FMN2: variants seen among roughly 807,000 people sequenced by gnomAD.
FMN2 encodes formin-2.
Under a neutral mutation model 142.3 loss-of-function variants are expected in FMN2, and 51 were observed. That is an observed-to-expected ratio of 0.36 (90% CI 0.29 to 0.45). The LOEUF (loss-of-function observed/expected upper bound fraction) is 0.45, where lower values mean the gene tolerates loss of function less well. FMN2 is among the 20% of genes least tolerant of loss of function. The pLI is 1.00. For synonymous variants in FMN2, 882 were observed against 869.8 expected, an observed-to-expected ratio of 1.01 and a Z score of -0.25; for missense variants, 1,936 against 2,122.8, an observed-to-expected ratio of 0.91 and a Z score of 1.73.
intron 2 of FMN2, among the ~76,000 whole-genome samples, chr1:240,151,566 G>T (rs1571990418): frequency 1.3e-5 from 2 of 152,060 alleles, no homozygotes; most frequent in South Asian, 4.1e-4. Context: ...TGAGAGACAG[G>T]AGTCTTAGAA....
chr1:240,222,900 G>A (rs1161660304), intron 6 of FMN2, among the ~76,000 whole-genome samples: 5 of 152,174 alleles, frequency 3.3e-5, no homozygotes, highest in South Asian at 2.1e-4. Flanking sequence ...GGGCTGAGAC[G>A]ATGGGATTTT....
intron 1 of FMN2, among the ~76,000 whole-genome samples, chr1:240,121,876 C>T (rs754644344): frequency 7.6e-4 from 114 of 149,136 alleles, no homozygotes; most frequent in South Asian, 3.2e-3. Context: ...CTGGCCAGCT[C>T]TCTTCTTGTG....
chr1:240,260,640 A>C (rs1309986505), intron 7 of FMN2, among the ~76,000 whole-genome samples: 1 of 152,084 alleles, frequency 6.6e-6, no homozygotes, highest in African/African-American at 2.4e-5. Context: ...TTCCTTGTAG[A>C]TTCTGGATAT....
At chr1:240,178,535 T>A (rs1007758375) in intron 3 of FMN2, among the ~76,000 whole-genome samples, 3 of 150,342 alleles carry the variant, frequency 2.0e-5, no homozygotes. Flanking sequence ...TCAACTTCCC[T>A]GGCTCAAGCG....
intron 6 of FMN2, among the ~76,000 whole-genome samples, chr1:240,255,898 C>T (rs974864732): frequency 3.9e-5 from 6 of 151,928 alleles, no homozygotes; most frequent in Middle Eastern, 3.4e-3. Flanking sequence ...TATAATGCGA[C>T]GAAAATAAGA....
chr1:240,118,627 A>G (rs1008696951), intron 1 of FMN2, among the ~76,000 whole-genome samples: 6 of 152,170 alleles, frequency 3.9e-5, no homozygotes, highest in Admixed American at 1.3e-4. Context: ...TGGAGGTTGT[A>G]CGGTTCCTGA....
At chr1:240,221,033 C>CA (rs1667093361) in intron 6 of FMN2, among the ~76,000 whole-genome samples, 1 of 152,140 alleles carries the variant, frequency 6.6e-6, no homozygotes, top group East Asian at 1.9e-4. Context: ...CATGTCTCTG[C>CA]AAAGGACACG....
intron 8 of FMN2, among the ~76,000 whole-genome samples, chr1:240,309,772 G>C (rs1443843175): frequency 6.6e-6 from 1 of 152,082 alleles, no homozygotes; most frequent in South Asian, 2.1e-4. Context: ...AGTCCAGTCC[G>C]TTATCTCGGA....
At chr1:240,220,419 C>A (rs1667059515) in intron 6 of FMN2, among the ~76,000 whole-genome samples, 1 of 152,132 alleles carries the variant, frequency 6.6e-6, no homozygotes, top group African/African-American at 2.4e-5. Flanking sequence ...TTTCTAATTT[C>A]TTCAGTCTCC....
At chr1:240,380,654 C>T (rs1330966099) in intron 14 of FMN2, among the ~76,000 whole-genome samples, 1 of 147,554 alleles carries the variant, frequency 6.8e-6, no homozygotes, top group African/African-American at 2.5e-5. Flanking sequence ...CTCAAATTAA[C>T]AATGTAACAT....
chr1:240,412,585 A>T (rs1241194223), intron 15 of FMN2, among the ~76,000 whole-genome samples: 1 of 152,210 alleles, frequency 6.6e-6, no homozygotes, highest in African/African-American at 2.4e-5. Flanking sequence ...GATGTAGCTA[A>T]CTAGCAGCAG....
At chr1:240,244,370 T>A (rs1668011362) in intron 6 of FMN2, among the ~76,000 whole-genome samples, 1 of 152,226 alleles carries the variant, frequency 6.6e-6, no homozygotes, top group South Asian at 2.1e-4. Context: ...AAACTTCAAG[T>A]TATCTCTATT....
chr1:240,204,387 C>T (rs1488099626), intron 4 of FMN2, among the ~76,000 whole-genome samples: 1 of 152,114 alleles, frequency 6.6e-6, no homozygotes, highest in African/African-American at 2.4e-5. Flanking sequence ...GTGGCTTAAG[C>T]CCAGGAGTTC....
intron 3 of FMN2, among the ~76,000 whole-genome samples, chr1:240,187,121 T>A (rs1172452292): frequency 7.6e-5 from 10 of 130,776 alleles, no homozygotes; most frequent in South Asian, 2.6e-4. Context: ...AAAAAAAAAA[T>A]TAGCTGGGTG....
chr1:240,333,772 T>G, intron 11 of FMN2, 115 bp from the exon 12 acceptor site: 1 of 778,718 alleles, frequency 1.3e-6, no homozygotes, highest in Non-Finnish European at 1.9e-6. Flanking sequence ...AATTTCACAT[T>G]TCATTCCAAA....
At position 240,092,742 on chromosome 1, in the gene FMN2, G is replaced by GCAGCTC. The variant is rs767102734; in HGVS notation, c.650_655dup (p.Leu217_Gln218dup). 64 of 1,612,758 alleles carry GCAGCTC rather than the reference G, an allele frequency of 4.0e-5. No individual in the cohort carries two copies. The highest frequency in any genetic ancestry group is 8.3e-5 in the Admixed American group (5 of 59,946). On this transcript the variant is annotated inframe_insertion, in exon 1 of 18. Coordinates refer to ENST00000319653, the MANE Select transcript of FMN2 (RefSeq NM_020066.5). Reference sequence around the variant, plus strand: ...TCCGCCTGCAGCAGCAGCAGCAGCAGCAGCTCCAGCTCCAGCTCCAGCAAC... The same window carrying GCAGCTC: ...TCCGCCTGCAGCAGCAGCAGCAGCAGCAGCTCCAGCTCCAGCTCCAGCTCCAGCAAC...
At chr1:240,109,875 A>G (rs1197348237) in intron 1 of FMN2, among the ~76,000 whole-genome samples, 1 of 152,070 alleles carries the variant, frequency 6.6e-6, no homozygotes, top group Non-Finnish European at 1.5e-5. Context: ...TATTATTATT[A>G]TTAGTTAAGG....
chr1:240,380,914 T>C (rs1012442886), intron 14 of FMN2, among the ~76,000 whole-genome samples: 1 of 151,980 alleles, frequency 6.6e-6, no homozygotes, highest in Non-Finnish European at 1.5e-5. Flanking sequence ...TACAAACTGA[T>C]ACCAAAGAAA....
Position 240,207,621 on chromosome 1 carries a change from C to T in FMN2, c.2809C>T (p.Leu937=), listed in dbSNP as rs1338973973. 4 of 1,173,982 alleles carry T rather than the reference C, an allele frequency of 3.4e-6. No homozygotes were observed. The highest frequency in any genetic ancestry group is 4.5e-6 in the Non-Finnish European group (4 of 898,198). The allele number at this position is 1,173,982 out of a possible 1,614,324, so 72.7% of individuals were successfully genotyped here. A position where few individuals can be genotyped will look rare whatever the true frequency, so the allele number is the denominator to read the frequency against. ...PGAGILPLPP[L]PGAGIPPPPP... ...AGCAGGCATACTCCCTCTGCCCCCT[C>T]TACCCGGAGCGGGAATACCTCCTCC... The change falls in exon 5 of 18, where the codon CTA becomes TTA. Residue 937 remains leucine, a synonymous_variant. Coordinates refer to ENST00000319653, the MANE Select transcript of FMN2 (RefSeq NM_020066.5).
Sources: gnomAD v4.1 joint callset for allele counts (sites outside exome capture counted in the v4.1 genomes callset) on GRCh38, gnomAD v4.1.1 for gene constraint, MANE v1.5 for transcripts, NCBI Gene and HGNC (gene_info 2026-07-23, HGNC 2026-07-21) for gene names.